Variants in UNC79 observed in about 807,000 individuals in gnomAD.
UNC79 encodes protein unc-79 homolog.
A neutral mutation model predicts 283.1 loss-of-function variants in UNC79; 37 were observed. The ratio of observed to expected loss-of-function variants is 0.13; its 90% CI spans 0.10 to 0.17. The LOEUF (loss-of-function observed/expected upper bound fraction) is 0.17. Ranked by LOEUF, UNC79 falls within the 10% of genes least tolerant of loss-of-function variation. The probability of loss-of-function intolerance (pLI) is 1.00; values close to 1 mark genes in which losing one functional copy is unlikely to be tolerated. For synonymous variants in UNC79, 1,107 were observed against 1,200.2 expected, an observed-to-expected ratio of 0.92 and a Z score of 1.61; for missense variants, 2,272 against 3,211.1, an observed-to-expected ratio of 0.71 and a Z score of 7.07.
intron 20 of UNC79, among the ~76,000 whole-genome samples, chr14:93,584,424 A>T: frequency 6.6e-6 from 1 of 152,204 alleles, no homozygotes; most frequent in East Asian, 1.9e-4. Context: ...AATTAGTGGC[A>T]GGGTTGGGAC....
intron 41 of UNC79, among the ~76,000 whole-genome samples, chr14:93,678,019 T>C (rs2073500260): frequency 6.6e-6 from 1 of 152,166 alleles, no homozygotes; most frequent in Non-Finnish European, 1.5e-5. Context: ...CCAGGTGTTC[T>C]CTGTAGAATA....
At chr14:93,614,658 C>T (rs571011936) in intron 27 of UNC79, among the ~76,000 whole-genome samples, 10 of 151,206 alleles carry the variant, frequency 6.6e-5, no homozygotes, top group Non-Finnish European at 1.2e-4. Flanking sequence ...AAAAAATCCT[C>T]TTCCTTTTTT....
chr14:93,363,782 A>T (rs2054272285), intron 1 of UNC79, among the ~76,000 whole-genome samples: 1 of 151,500 alleles, frequency 6.6e-6, no homozygotes, highest in Non-Finnish European at 1.5e-5. Context: ...GCAGTGGTGC[A>T]ATCTGGGCTC....
chr14:93,623,179 G>C (rs749919698), intron 30 of UNC79, among the ~76,000 whole-genome samples: 1 of 152,188 alleles, frequency 6.6e-6, no homozygotes, highest in South Asian at 2.1e-4. Context: ...TCATTAACTT[G>C]AACTCTTTGC....
chr14:93,598,913 A>C (rs774393149), intron 24 of UNC79, among the ~76,000 whole-genome samples: 4 of 152,368 alleles, frequency 2.6e-5, no homozygotes, highest in Admixed American at 6.5e-5. Context: ...AGAGACAAGA[A>C]ATATGAGACC....
intron 1 of UNC79, among the ~76,000 whole-genome samples, chr14:93,347,731 G>A (rs1203015645): frequency 6.6e-6 from 1 of 152,132 alleles, no homozygotes; most frequent in East Asian, 1.9e-4. Context: ...ACCATCCTCG[G>A]ACGTCCTCGG....
chr14:93,419,559 A>G (rs7147607), intron 1 of UNC79, among the ~76,000 whole-genome samples: 83,764 of 151,376 alleles, frequency 0.55, 24,300 homozygotes, highest in Admixed American at 0.66. Flanking sequence ...GATAAGATAG[A>G]AACAGCAAAA....
chr14:93,654,674 G>A (rs1057267265), intron 37 of UNC79, among the ~76,000 whole-genome samples: 4 of 151,698 alleles, frequency 2.6e-5, no homozygotes, highest in African/African-American at 4.8e-5. Flanking sequence ...GTGTCAGTTG[G>A]ACATTGCGGC....
intron 2 of UNC79, among the ~76,000 whole-genome samples, chr14:93,468,305 G>C (rs924354452): frequency 6.6e-6 from 1 of 152,118 alleles, no homozygotes; most frequent in Non-Finnish European, 1.5e-5. Context: ...AAAAAATAGG[G>C]CTCTTTTTCT....
intron 35 of UNC79, among the ~76,000 whole-genome samples, chr14:93,648,570 TG>T (rs1428729422): frequency 3.3e-5 from 5 of 151,892 alleles, no homozygotes; most frequent in Non-Finnish European, 7.4e-5. Flanking sequence ...TTTAAACAAC[TG>T]GGTGGGCGGG....
At chr14:93,538,520 G>A (rs779789378) in intron 12 of UNC79, among the ~76,000 whole-genome samples, 5 of 152,246 alleles carry the variant, frequency 3.3e-5, no homozygotes, top group South Asian at 4.1e-4. Flanking sequence ...ATTGTGGTAC[G>A]GTTTGGTGAG....
rs117973395 is a variant in UNC79, at chr14:93,398,953, G to T, written c.-351+65430G>T. ...ATGCTGCTATAAAGATACTACCTGA[G>T]ACTGTGTAATTTATAAACAAAGGAG... is the stretch of plus-strand genomic sequence containing the variant. On this transcript the variant is annotated intron_variant, in intron 1 of 49. Coordinates refer to the UNC79 transcript ENST00000256339. Among the ~76,000 whole-genome samples the T allele has an allele frequency of 1.5e-3, 224 of 152,278 alleles. 1 individual carries two copies. The highest frequency in any genetic ancestry group is 7.5e-3 in the South Asian group (36 of 4,826).
At chr14:93,586,931 T>G (rs1157909677) in intron 22 of UNC79, 23 bp downstream of exon 22, 1 of 1,610,160 alleles carries the variant, frequency 6.2e-7, no homozygotes, top group Non-Finnish European at 8.5e-7. Flanking sequence ...AATGGTTTGT[T>G]TTGATTGTTT....
intron 7 of UNC79, among the ~76,000 whole-genome samples, chr14:93,514,852 G>T (rs570272127): frequency 4.5e-4 from 69 of 152,224 alleles, no homozygotes; most frequent in African/African-American, 1.6e-3. Flanking sequence ...CTGTATCTAT[G>T]CCCAATGTCT....
chr14:93,370,933 T>C (rs1424840929), intron 1 of UNC79, among the ~76,000 whole-genome samples: 2 of 150,562 alleles, frequency 1.3e-5, no homozygotes, highest in African/African-American at 2.4e-5. Flanking sequence ...AGGGAGAAGA[T>C]AGAAAAAAAA....
intron 1 of UNC79, among the ~76,000 whole-genome samples, chr14:93,363,522 G>GGA (rs2054266690): frequency 6.6e-6 from 1 of 152,094 alleles, no homozygotes; most frequent in Non-Finnish European, 1.5e-5. Context: ...ATCTTTGTTA[G>GGA]TTTTCTGCTT....
chr14:93,454,159 C>T (rs1467724163), intron 1 of UNC79, among the ~76,000 whole-genome samples: 1 of 151,880 alleles, frequency 6.6e-6, no homozygotes, highest in African/African-American at 2.4e-5. Context: ...CCTCCCACCT[C>T]AGTCTCCCAA....
At chr14:93,490,051 T>A (rs893275479) in intron 5 of UNC79, among the ~76,000 whole-genome samples, 4 of 152,136 alleles carry the variant, frequency 2.6e-5, no homozygotes, top group African/African-American at 9.7e-5. Flanking sequence ...TAGGACTGAA[T>A]TTTACAATGT....
chr14:93,452,512 C>T (rs1364223731), intron 1 of UNC79, among the ~76,000 whole-genome samples: 3 of 151,892 alleles, frequency 2.0e-5, no homozygotes, highest in Non-Finnish European at 4.4e-5. Context: ...CCTCAACCTC[C>T]AGAGTAACTG....
Sources: allele counts gnomAD v4.1 joint callset (sites outside exome capture counted in the v4.1 genomes callset), GRCh38; gene constraint gnomAD v4.1.1; transcripts MANE v1.5; gene names NCBI Gene and HGNC (gene_info 2026-07-23, HGNC 2026-07-21).